The following LRP1B variants were observed in gnomAD, a reference collection of about 807,000 sequenced individuals.
LRP1B encodes low-density lipoprotein receptor-related protein 1B.
LRP1B carries 217 observed loss-of-function variants against 556.6 expected under a neutral mutation model. The ratio of observed to expected loss-of-function variants is 0.39; its 90% CI spans 0.35 to 0.44. The LOEUF (loss-of-function observed/expected upper bound fraction) is 0.44. Among genes scored for constraint, LRP1B ranks in the 20% least tolerant of loss-of-function variants. The probability of loss-of-function intolerance (pLI) is 1.00; values close to 1 mark genes in which losing one functional copy is unlikely to be tolerated. For missense variants in LRP1B, 5,053 were observed against 5,620.8 expected, an observed-to-expected ratio of 0.90 and a Z score of 3.23; for synonymous variants, 2,047 against 1,865.8, an observed-to-expected ratio of 1.10 and a Z score of -2.50.
intron 2 of LRP1B, among the ~76,000 whole-genome samples, chr2:141,511,648 C>T (rs1684135685): frequency 1.3e-5 from 2 of 152,160 alleles, no homozygotes; most frequent in South Asian, 4.1e-4. Flanking sequence ...ATTTAGTCAG[C>T]TTGCTATTCC....
intron 2 of LRP1B, among the ~76,000 whole-genome samples, chr2:141,678,004 C>T (rs1265398633): frequency 1.3e-5 from 2 of 151,990 alleles, no homozygotes; most frequent in Non-Finnish European, 2.9e-5. Context: ...CCTAGTTTTC[C>T]AATATTACCA....
chr2:140,430,539 A>G (rs1685881340), intron 66 of LRP1B, among the ~76,000 whole-genome samples: 1 of 152,206 alleles, frequency 6.6e-6, no homozygotes, highest in African/African-American at 2.4e-5. Flanking sequence ...ACAAGCAGCT[A>G]GCTTTCCAGC....
intron 2 of LRP1B, among the ~76,000 whole-genome samples, chr2:141,493,792 T>G (rs139643526): frequency 6.6e-6 from 1 of 152,284 alleles, no homozygotes; most frequent in Admixed American, 6.5e-5. Flanking sequence ...TTAAACTGCA[T>G]AGAGGAACTG....
At chr2:141,551,661 G>A (rs1685754657) in intron 2 of LRP1B, among the ~76,000 whole-genome samples, 1 of 152,000 alleles carries the variant, frequency 6.6e-6, no homozygotes, top group South Asian at 2.1e-4. Flanking sequence ...GCATGCAAAT[G>A]TGTGGAAAGG....
chr2:141,326,118 A>G (rs984403415), intron 3 of LRP1B, among the ~76,000 whole-genome samples: 2 of 152,270 alleles, frequency 1.3e-5, no homozygotes, highest in East Asian at 3.9e-4. Flanking sequence ...ATGAATATTC[A>G]TTTACACAGA....
chr2:140,607,093 T>C (rs1260334451), intron 41 of LRP1B, among the ~76,000 whole-genome samples: 3 of 152,004 alleles, frequency 2.0e-5, no homozygotes, highest in African/African-American at 7.2e-5. Flanking sequence ...CACTCAACAA[T>C]AAAACAACAA....
At chr2:141,122,537 A>G (rs1484758914) in intron 7 of LRP1B, among the ~76,000 whole-genome samples, 2 of 152,270 alleles carry the variant, frequency 1.3e-5, no homozygotes, top group East Asian at 1.9e-4. Flanking sequence ...ATGCAAATCA[A>G]AACCACAATG....
chr2:141,591,844 T>C (rs372526083), intron 2 of LRP1B, among the ~76,000 whole-genome samples: 1 of 150,104 alleles, frequency 6.7e-6, no homozygotes. Context: ...TAGCCAGCTG[T>C]TATTTAGCCA....
intron 1 of LRP1B, among the ~76,000 whole-genome samples, chr2:141,995,791 G>GT (rs1574573526): frequency 6.6e-6 from 1 of 152,066 alleles, no homozygotes; most frequent in Non-Finnish European, 1.5e-5. Context: ...TGTTAGAATT[G>GT]TTTAAGACTT....
chr2:140,260,976 T>C (rs1385554926), intron 86 of LRP1B, among the ~76,000 whole-genome samples: 1 of 151,670 alleles, frequency 6.6e-6, no homozygotes, highest in African/African-American at 2.4e-5. Context: ...GGACAGTGTC[T>C]GGTATATAGT....
At chr2:141,010,587 T>C (rs946670808) in intron 14 of LRP1B, among the ~76,000 whole-genome samples, 7 of 152,024 alleles carry the variant, frequency 4.6e-5, no homozygotes, top group Admixed American at 3.9e-4. Context: ...CATTCTCGGC[T>C]CACTGCAACC....
intron 2 of LRP1B, among the ~76,000 whole-genome samples, chr2:141,747,577 C>T (rs1158943125): frequency 1.3e-5 from 2 of 152,108 alleles, no homozygotes; most frequent in Non-Finnish European, 2.9e-5. Flanking sequence ...TTTGAAGCTG[C>T]AGTGTGCTAT....
chr2:141,573,669 G>A (rs368502299), intron 2 of LRP1B, among the ~76,000 whole-genome samples: 1 of 150,898 alleles, frequency 6.6e-6, no homozygotes, highest in Non-Finnish European at 1.5e-5. Flanking sequence ...CCAAGGGCTG[G>A]GTTTTGAAAA....
rs573277158 is a variant in LRP1B, at chr2:142,033,921, AC to A, written c.82+96726del. On this transcript the variant is annotated intron_variant, in intron 1 of 90. Coordinates refer to ENST00000389484, the MANE Select transcript of LRP1B (RefSeq NM_018557.3). ...TAGGCTGCCTTCACCTGAGTTCCAG[AC>A]CCATATTTTCAAGTACTCATTTTCA... Among the ~76,000 whole-genome samples, 18 of 151,840 alleles carry A rather than the reference AC, an allele frequency of 1.2e-4. No homozygotes were observed. In the South Asian group the frequency reaches 3.5e-3, roughly 30 times the overall value.
At chr2:140,887,961 T>C (rs1693688979) in intron 23 of LRP1B, among the ~76,000 whole-genome samples, 3 of 152,118 alleles carry the variant, frequency 2.0e-5, no homozygotes. Flanking sequence ...TGCTCAAAAT[T>C]AAATAGTTGT....
chr2:140,269,803 T>TTACA (rs1248695688), intron 86 of LRP1B, among the ~76,000 whole-genome samples: 2 of 151,846 alleles, frequency 1.3e-5, no homozygotes, highest in African/African-American at 4.8e-5. Flanking sequence ...CTTAATAGGT[T>TTACA]TACATAATAA....
At chr2:141,383,570 T>A (rs1420163532) in intron 3 of LRP1B, among the ~76,000 whole-genome samples, 1 of 152,168 alleles carries the variant, frequency 6.6e-6, no homozygotes, top group East Asian at 1.9e-4. Flanking sequence ...AAATATTATG[T>A]CAAAAATGTA....
At chr2:141,057,222 C>T (rs1433604828) in intron 9 of LRP1B, among the ~76,000 whole-genome samples, 1 of 151,842 alleles carries the variant, frequency 6.6e-6, no homozygotes, top group Non-Finnish European at 1.5e-5. Context: ...AAGGACTTCC[C>T]ATCTCACTAA....
intron 1 of LRP1B, among the ~76,000 whole-genome samples, chr2:141,998,842 C>G (rs1702575039): frequency 6.6e-6 from 1 of 152,066 alleles, no homozygotes; most frequent in Admixed American, 6.6e-5. Flanking sequence ...TTATGGAGAC[C>G]AACGTTTTAT....
Sources: allele counts gnomAD v4.1 joint callset (sites outside exome capture counted in the v4.1 genomes callset), GRCh38; gene constraint gnomAD v4.1.1; transcripts MANE v1.5; gene names NCBI Gene and HGNC (gene_info 2026-07-23, HGNC 2026-07-21).